The following PTK2 variants were observed in gnomAD, a reference collection of about 807,000 sequenced individuals.
The protein encoded by PTK2 is focal adhesion kinase 1.
PTK2 carries 45 observed loss-of-function variants against 150.1 expected under a neutral mutation model. The ratio of observed to expected loss-of-function variants is 0.30; its 90% CI spans 0.24 to 0.38. PTK2 has a LOEUF of 0.38. Among genes scored for constraint, PTK2 ranks in the 10% least tolerant of loss-of-function variants. PTK2 has a pLI of 1.00. For missense variants in PTK2, 919 were observed against 1,307.3 expected, an observed-to-expected ratio of 0.70 and a Z score of 4.58; for synonymous variants, 432 against 449.2, an observed-to-expected ratio of 0.96 and a Z score of 0.48.
chr8:140,774,572 G>A (rs1431098762), intron 14 of PTK2, among the ~76,000 whole-genome samples: 2 of 152,298 alleles, frequency 1.3e-5, no homozygotes, highest in South Asian at 2.1e-4. Context: ...ATCTTGAATA[G>A]GGGCTCGGTA....
chr8:140,857,973 T>C (rs1359900281), intron 5 of PTK2, among the ~76,000 whole-genome samples: 1 of 152,220 alleles, frequency 6.6e-6, no homozygotes, highest in African/African-American at 2.4e-5. Flanking sequence ...CTTCAGATGC[T>C]ATAATTCACA....
intron 27 of PTK2, among the ~76,000 whole-genome samples, chr8:140,682,046 C>A (rs1347097431): frequency 6.6e-6 from 1 of 152,152 alleles, no homozygotes; most frequent in African/African-American, 2.4e-5. Context: ...CAGGCATTCT[C>A]CCCCTGCTAC....
chr8:140,927,958 GAA>G (rs57931737), intron 1 of PTK2, among the ~76,000 whole-genome samples: 1,966 of 63,674 alleles, frequency 0.031, 20 homozygotes, highest in Non-Finnish European at 0.037. Flanking sequence ...AAAAAAAAAA[GAA>G]AAAAAAAAAA....
rs574196785 is a variant in PTK2, at chr8:140,692,481, G to A, written c.2500-5787C>T. On this transcript the variant is annotated intron_variant, in intron 26 of 31. Coordinates refer to ENST00000522684, the Ensembl canonical transcript of PTK2. ...AAAATACAAAAATTAGCCGGGCATG[G>A]TGGCAGGCACCTGCAGTCCCAGCTA... 2.6e-5 allele frequency among the ~76,000 whole-genome samples: 4 copies of A among 152,312 alleles called. No homozygotes were observed. In the East Asian group the frequency reaches 7.7e-4, roughly 29 times the overall value.
intron 14 of PTK2, among the ~76,000 whole-genome samples, chr8:140,787,893 C>G (rs2100085896): frequency 6.6e-6 from 1 of 152,210 alleles, no homozygotes; most frequent in African/African-American, 2.4e-5. Flanking sequence ...ATCTCACCTA[C>G]TCTACAGAAC....
rs1284731940 is a variant in PTK2 at position 140,995,086 on chromosome 8, A to AG, written c.-122+6038_-122+6039insC. The stretch of plus-strand genomic sequence containing the variant: ...CAACAAGAGTGAAACTCTGTCTCAA[A>AG]AAAAAAAAAAAAAGGACGGGCACGT... On this transcript the variant is annotated intron_variant, in intron 1 of 31. Transcript: ENST00000522684. Among the ~76,000 whole-genome samples, 298 of 150,232 alleles carry AG rather than the reference A, an allele frequency of 2.0e-3. 5 individuals are homozygous for AG. The highest frequency in any genetic ancestry group is 2.8e-3 in the Non-Finnish European group (189 of 67,284).
At chr8:140,721,514 T>C (rs1252644246) in intron 22 of PTK2, 6 of 152,172 alleles carry the variant, frequency 3.9e-5, no homozygotes, top group African/African-American at 1.4e-4. Context: ...AAAACACCAG[T>C]AAATCCATAC....
chr8:140,780,211 G>T (rs1290332424), intron 14 of PTK2, among the ~76,000 whole-genome samples: 1 of 152,066 alleles, frequency 6.6e-6, no homozygotes, highest in Non-Finnish European at 1.5e-5. Context: ...GGATTCACAG[G>T]GTGCCATTTT....
At chr8:140,752,437 G>A in intron 16 of PTK2, 121 bp from the exon 20 acceptor site, 1 of 779,980 alleles carries the variant, frequency 1.3e-6, no homozygotes, top group African/African-American at 1.7e-5. Flanking sequence ...AATCAGAACG[G>A]CAAAATCTCA....
chr8:140,877,430 T>C (rs1281403408), intron 4 of PTK2, among the ~76,000 whole-genome samples: 1 of 152,184 alleles, frequency 6.6e-6, no homozygotes, highest in African/African-American at 2.4e-5. Context: ...TTAAAACCTG[T>C]ACTATGAAGC....
chr8:140,865,877 C>T (rs1346703120), intron 4 of PTK2, among the ~76,000 whole-genome samples: 4 of 152,106 alleles, frequency 2.6e-5, no homozygotes, highest in Non-Finnish European at 4.4e-5. Flanking sequence ...TCCGCCTCCC[C>T]GGGCTCAAGC....
intron 14 of PTK2, among the ~76,000 whole-genome samples, chr8:140,786,541 T>C (rs1196429588): frequency 6.6e-6 from 1 of 152,170 alleles, no homozygotes; most frequent in Non-Finnish European, 1.5e-5. Context: ...TTTTTAGGTT[T>C]TATGGTTTTG....
At chr8:140,852,534 T>C (rs932799328) in intron 5 of PTK2, among the ~76,000 whole-genome samples, 1 of 152,254 alleles carries the variant, frequency 6.6e-6, no homozygotes, top group African/African-American at 2.4e-5. Context: ...TATTCCTATA[T>C]TGTATTATAT....
intron 1 of PTK2, among the ~76,000 whole-genome samples, chr8:140,950,996 A>G (rs2154609097): frequency 6.6e-6 from 1 of 151,754 alleles, no homozygotes; most frequent in East Asian, 1.9e-4. Context: ...TTAAGTCAAC[A>G]CTCCCAGAAC....
At chr8:140,705,948 T>C (rs919101728) in intron 24 of PTK2, among the ~76,000 whole-genome samples, 171 bp downstream of exon 27, 1 of 152,254 alleles carries the variant, frequency 6.6e-6, no homozygotes, top group African/African-American at 2.4e-5. Context: ...GCCTTCTGCG[T>C]GGGGTGTCAA....
At chr8:140,855,517 C>T (rs2100132007) in intron 5 of PTK2, among the ~76,000 whole-genome samples, 1 of 152,050 alleles carries the variant, frequency 6.6e-6, no homozygotes, top group South Asian at 2.1e-4. Flanking sequence ...ATCGCCTGAA[C>T]CCAGGAGGCG....
intron 5 of PTK2, among the ~76,000 whole-genome samples, chr8:140,853,058 G>C (rs1050942046): frequency 6.6e-6 from 1 of 152,098 alleles, no homozygotes; most frequent in Non-Finnish European, 1.5e-5. Flanking sequence ...TCTCTCTAGG[G>C]TCTGGAAAGT....
chr8:140,892,210 C>T (rs1285234568), intron 2 of PTK2, among the ~76,000 whole-genome samples: 1 of 151,784 alleles, frequency 6.6e-6, no homozygotes, highest in African/African-American at 2.4e-5. Flanking sequence ...TGTCTCAAAA[C>T]AAACAAACGA....
At chr8:140,869,958 T>C (rs2100141581) in intron 4 of PTK2, among the ~76,000 whole-genome samples, 2 of 152,188 alleles carry the variant, frequency 1.3e-5, no homozygotes, top group South Asian at 4.1e-4. Context: ...GTATAATATA[T>C]ACAATTAAAT....
Sources: allele counts gnomAD v4.1 joint callset (sites outside exome capture counted in the v4.1 genomes callset), GRCh38; gene constraint gnomAD v4.1.1; transcripts MANE v1.5; gene names NCBI Gene and HGNC (gene_info 2026-07-23, HGNC 2026-07-21).